Variants in TMEM232 observed in about 807,000 individuals in gnomAD.
TMEM232 encodes the protein transmembrane protein 232.
TMEM232 carries 80 observed loss-of-function variants against 78.8 expected under a neutral mutation model. The observed-to-expected ratio is 1.01, with a 90% CI of 0.85 to 1.22. TMEM232 has a LOEUF of 1.22. Ranked by LOEUF, TMEM232 falls within the 50% of genes most tolerant of loss-of-function variation. TMEM232 has a pLI of 0.00. For synonymous variants in TMEM232, 297 were observed against 254.3 expected (o/e 1.17, Z -1.60); for missense variants, 881 against 742.2 (o/e 1.19, Z -2.17).
chr5:110,489,229 A>G (rs1207067520), intron 12 of TMEM232, among the ~76,000 whole-genome samples: 1 of 151,752 alleles, frequency 6.6e-6, no homozygotes, highest in African/African-American at 2.4e-5. Flanking sequence ...TTTTCAAAAG[A>G]TCTATATATA....
intron 2 of TMEM232, among the ~76,000 whole-genome samples, chr5:110,662,698 T>C (rs1371110642): frequency 6.6e-6 from 1 of 152,150 alleles, no homozygotes; most frequent in Non-Finnish European, 1.5e-5. Context: ...TGTGAATGCA[T>C]GAGTTATACA....
At chr5:110,648,294 T>C (rs1337344317) in intron 2 of TMEM232, among the ~76,000 whole-genome samples, 1 of 152,076 alleles carries the variant, frequency 6.6e-6, no homozygotes, top group African/African-American at 2.4e-5. Context: ...TCTCACAAAC[T>C]GCGTGTGGTT....
chr5:110,671,867 A>T (rs1708242494), intron 1 of TMEM232, among the ~76,000 whole-genome samples: 1 of 152,214 alleles, frequency 6.6e-6, no homozygotes, highest in African/African-American at 2.4e-5. Flanking sequence ...CATGATCTGC[A>T]CATGTATCCC....
intron 12 of TMEM232, among the ~76,000 whole-genome samples, chr5:110,464,199 A>G (rs1185663987): frequency 6.6e-6 from 1 of 152,216 alleles, no homozygotes; most frequent in South Asian, 2.1e-4. Flanking sequence ...ATAGACACCT[A>G]TAAGAGGTGT....
chr5:110,526,179 C>CA (rs912200829), intron 12 of TMEM232, among the ~76,000 whole-genome samples: 1 of 147,474 alleles, frequency 6.8e-6, no homozygotes, highest in Non-Finnish European at 1.5e-5. Context: ...ATAAATAGAA[C>CA]AAAAAAATCC....
chr5:110,623,936 C>T (rs1398084025), intron 7 of TMEM232, among the ~76,000 whole-genome samples: 2 of 152,128 alleles, frequency 1.3e-5, no homozygotes, highest in African/African-American at 2.4e-5. Flanking sequence ...TGATATGTCC[C>T]TTTCATGTAT....
At chr5:110,532,349 C>G (rs551588691) in intron 11 of TMEM232, among the ~76,000 whole-genome samples, 2 of 151,788 alleles carry the variant, frequency 1.3e-5, no homozygotes, top group East Asian at 3.9e-4. Context: ...GCCCCCTAGA[C>G]CATCACGGAT....
chr5:110,683,383 C>T (rs549339838), intron 1 of TMEM232, among the ~76,000 whole-genome samples: 2 of 151,516 alleles, frequency 1.3e-5, no homozygotes, highest in African/African-American at 2.4e-5. Flanking sequence ...CAAAGAGATA[C>T]ACACACACAC....
intron 2 of TMEM232, among the ~76,000 whole-genome samples, chr5:110,666,198 T>C (rs1790566327): frequency 6.6e-6 from 1 of 152,280 alleles, no homozygotes; most frequent in South Asian, 2.1e-4. Context: ...GACCTGCTCC[T>C]TTTTAGCACA....
intron 5 of TMEM232, among the ~76,000 whole-genome samples, 197 bp downstream of exon 5, chr5:110,638,001 T>C (rs2150002331): frequency 6.6e-6 from 1 of 152,252 alleles, no homozygotes; most frequent in African/African-American, 2.4e-5. Flanking sequence ...TGTGACATTA[T>C]ATTTTCTCAA....
At chr5:110,591,946 G>A (rs1779593269) in intron 10 of TMEM232, among the ~76,000 whole-genome samples, 1 of 152,000 alleles carries the variant, frequency 6.6e-6, no homozygotes, top group Non-Finnish European at 1.5e-5. Context: ...TACTACCTTT[G>A]GAACCCTCCA....
chr5:110,624,514 G>A (rs1561407132), intron 7 of TMEM232, among the ~76,000 whole-genome samples: 6 of 152,010 alleles, frequency 3.9e-5, no homozygotes, highest in Admixed American at 3.3e-4. Flanking sequence ...TCTGTTGCTC[G>A]ATATCTTTCA....
At chr5:110,489,036 CAAGTA>C (rs1323612332) in intron 12 of TMEM232, among the ~76,000 whole-genome samples, 3 of 151,770 alleles carry the variant, frequency 2.0e-5, no homozygotes, top group South Asian at 2.1e-4. Context: ...AGACTTATAA[CAAGTA>C]AAGACACCAA....
intron 6 of TMEM232, among the ~76,000 whole-genome samples, chr5:110,627,560 A>G (rs1784582667): frequency 6.6e-6 from 1 of 152,092 alleles, no homozygotes; most frequent in Non-Finnish European, 1.5e-5. Flanking sequence ...GTAGAGTCAG[A>G]TTTTAAATGT....
At chr5:110,592,929 G>C (rs1473577542) in intron 10 of TMEM232, among the ~76,000 whole-genome samples, 1 of 152,118 alleles carries the variant, frequency 6.6e-6, no homozygotes, top group Non-Finnish European at 1.5e-5. Flanking sequence ...TACAAAAGTA[G>C]TACCAACTTT....
chr5:110,544,649 C>T (rs913386931), intron 11 of TMEM232, among the ~76,000 whole-genome samples: 3 of 152,102 alleles, frequency 2.0e-5, no homozygotes, highest in Non-Finnish European at 4.4e-5. Flanking sequence ...CATGTCTTTA[C>T]CTTTCCTTAA....
chr5:110,645,714 T>A (rs375740818), intron 2 of TMEM232, among the ~76,000 whole-genome samples: 5 of 151,724 alleles, frequency 3.3e-5, no homozygotes, highest in East Asian at 3.9e-4. Context: ...ACTGCAAGTC[T>A]TAGCCAGAGC....
At chr5:110,693,661 A>C (rs1271749736) in intron 1 of TMEM232, among the ~76,000 whole-genome samples, 1 of 152,234 alleles carries the variant, frequency 6.6e-6, no homozygotes, top group Admixed American at 6.5e-5. Flanking sequence ...ACGAATCCAC[A>C]AGCCTCAGTA....
intron 12 of TMEM232, among the ~76,000 whole-genome samples, chr5:110,503,735 T>C (rs546612264): frequency 3.8e-4 from 58 of 152,208 alleles, no homozygotes; most frequent in Non-Finnish European, 6.9e-4. Context: ...ATCCCTGTTA[T>C]ACACAGCAAG....
Sources: allele counts gnomAD v4.1 joint callset (sites outside exome capture counted in the v4.1 genomes callset), GRCh38; gene constraint gnomAD v4.1.1; transcripts MANE v1.5; gene names NCBI Gene and HGNC (gene_info 2026-07-23, HGNC 2026-07-21).